The following ZNF710 variants were observed in gnomAD, a reference collection of about 807,000 sequenced individuals.
ZNF710 encodes the protein zinc finger protein 710.
ZNF710 carries 13 observed loss-of-function variants against 50.6 expected under a neutral mutation model. That is an observed-to-expected ratio of 0.26 (90% CI 0.17 to 0.41). ZNF710 has a LOEUF of 0.41. ZNF710 is among the 10% of genes least tolerant of loss of function. ZNF710 has a pLI of 1.00. For synonymous variants in ZNF710, 383 were observed against 397.0 expected (o/e 0.96, Z 0.42); for missense variants, 721 against 936.6 (o/e 0.77, Z 3.01).
At chr15:90,074,943 G>C (rs1900542589) in intron 4 of ZNF710, 1 of 190,768 alleles carries the variant, frequency 5.2e-6, no homozygotes, top group Non-Finnish European at 1.1e-5. Flanking sequence ...ACATACTCAT[G>C]AAAGGGCCAG....
Position 90,080,135 on chromosome 15 carries a change from G to A in ZNF710, c.*306G>A, listed in dbSNP as rs959346759. The A allele has an allele frequency of 4.0e-5, 11 of 277,276 alleles. No individual in the cohort carries two copies. Among genetic ancestry groups the A allele is most frequent in the Non-Finnish European group, 7.4e-5 (11 of 149,628 alleles). The allele number at this position is 277,276 out of a possible 1,614,324, so 17.2% of individuals were successfully genotyped here. Reference sequence around the variant, plus strand: ...GGGAGAAGTGGGGCCACTGGGGACAGGTCACAAGGGCACCGGCCCTCGGGG... The same window carrying A: ...GGGAGAAGTGGGGCCACTGGGGACAAGTCACAAGGGCACCGGCCCTCGGGG... On this transcript the variant is annotated 3_prime_UTR_variant, in exon 5 of 5. Coordinates refer to ENST00000268154, the MANE Select transcript of ZNF710 (RefSeq NM_198526.4).
chr15:90,030,100 C>T (rs111835276), intron 1 of ZNF710, among the ~76,000 whole-genome samples: 3,801 of 150,946 alleles, frequency 0.025, 145 homozygotes, highest in African/African-American at 0.085. Flanking sequence ...GAGGCTGAGG[C>T]GGATGGATCG....
At chr15:90,047,954 C>T (rs935861911) in intron 1 of ZNF710, among the ~76,000 whole-genome samples, 2 of 152,190 alleles carry the variant, frequency 1.3e-5, no homozygotes, top group Non-Finnish European at 2.9e-5. Flanking sequence ...CTGTGAGGAG[C>T]AATGTTCTAA....
At chr15:90,014,531 A>T (rs1898398249) in intron 1 of ZNF710, among the ~76,000 whole-genome samples, 1 of 150,304 alleles carries the variant, frequency 6.7e-6, no homozygotes, top group African/African-American at 2.5e-5. Context: ...AAAAAAAAAA[A>T]GATGGCATTT....
rs1567218418 is a variant in ZNF710 at position 90,008,443 on chromosome 15, T to TATATATATATATAC, written c.-29+6839_-29+6840insATACATATATATAT. 9.0e-4 allele frequency among the ~76,000 whole-genome samples: 126 copies of TATATATATATATAC among 140,494 alleles called. 3 individuals are homozygous for TATATATATATATAC. Among genetic ancestry groups the TATATATATATATAC allele is most frequent in the African/African-American group, 3.4e-3 (117 of 34,390 alleles). 92.2% of individuals were successfully genotyped at this position (140,494 alleles called of 152,430 possible). A position where few individuals can be genotyped will look rare whatever the true frequency, so the allele number is the denominator to read the frequency against. ...GTGTGTGTGTATATATATATATACATATATATATATGTATATATATATACA... is the reference window on the plus strand; with the variant it reads ...GTGTGTGTGTATATATATATATACATATATATATATATACATATATATATGTATATATATATACA... On this transcript the variant is annotated intron_variant, in intron 1 of 4. Transcript: ENST00000268154.
At chr15:90,038,750 G>A (rs1191732311) in intron 1 of ZNF710, among the ~76,000 whole-genome samples, 2 of 86,458 alleles carry the variant, frequency 2.3e-5, no homozygotes, top group Non-Finnish European at 4.2e-5. Context: ...TGAGACATTG[G>A]CTTTGAAGAG....
chr15:90,031,141 T>TC (rs1898936896), intron 1 of ZNF710, among the ~76,000 whole-genome samples: 1 of 152,126 alleles, frequency 6.6e-6, no homozygotes, highest in South Asian at 2.1e-4. Context: ...AGGCTTAGGC[T>TC]CATCTCAAGA....
At chr15:90,073,381 C>A in intron 3 of ZNF710, 119 bp downstream of exon 3, 1 of 1,226,868 alleles carries the variant, frequency 8.2e-7, no homozygotes. Flanking sequence ...AGAGGAGCCC[C>A]GGCTGGGTGA....
chr15:90,001,966 T>TGAGAGA (rs745830369), intron 1 of ZNF710, among the ~76,000 whole-genome samples: 323 of 96,820 alleles, frequency 3.3e-3, no homozygotes, highest in African/African-American at 0.011. Flanking sequence ...AGCGCGCGAA[T>TGAGAGA]GAGAGAGAGA....
intron 1 of ZNF710, among the ~76,000 whole-genome samples, chr15:90,057,690 A>AAATAAT (rs71151550): frequency 0.15 from 21,277 of 139,332 alleles, 1,730 homozygotes; most frequent in African/African-American, 0.17. Context: ...GAGCAAGACT[A>AAATAAT]AATAATAATA....
At position 90,067,923 on chromosome 15, in the gene ZNF710, C is replaced by T. The variant is rs534242008; in HGVS notation, c.786C>T (p.Thr262=). 36 of 1,613,206 alleles carry T rather than the reference C, an allele frequency of 2.2e-5. No homozygotes were observed. In the East Asian group the frequency reaches 3.3e-4, roughly 15 times the overall value. ...SEFEADTAGS[T]VERHKKAQLD... ...TCGAGGCTGACACGGCGGGTTCGAC[C>T]GTGGAACGCCACAAGAAGGCCCAGC... The change falls in exon 2 of 5, where the codon ACC becomes ACT. Residue 262 remains threonine (T), a synonymous_variant. Coordinates refer to ENST00000268154, the MANE Select transcript of ZNF710 (RefSeq NM_198526.4). The surrounding 1 kb of genome is among the most constrained non-coding windows in gnomAD (Gnocchi z 8.1).
chr15:90,036,634 C>T (rs1191482477), intron 1 of ZNF710, among the ~76,000 whole-genome samples: 1 of 152,238 alleles, frequency 6.6e-6, no homozygotes, highest in Non-Finnish European at 1.5e-5. Context: ...CCATCATTCC[C>T]AAGGTCTGTG....
At chr15:90,022,122 A>C (rs1332057615) in intron 1 of ZNF710, among the ~76,000 whole-genome samples, 3 of 152,062 alleles carry the variant, frequency 2.0e-5, no homozygotes, top group Admixed American at 1.3e-4. Flanking sequence ...TCACGCCTGT[A>C]ATCCCAGAAC....
intron 1 of ZNF710, among the ~76,000 whole-genome samples, chr15:90,055,178 C>T (rs1899772628): frequency 6.6e-6 from 1 of 152,020 alleles, no homozygotes. Flanking sequence ...ACAATAAGGT[C>T]CAGGAAGGAA....
chr15:90,070,768 G>A (rs1028581495), intron 2 of ZNF710, among the ~76,000 whole-genome samples: 9 of 151,920 alleles, frequency 5.9e-5, no homozygotes, highest in African/African-American at 1.7e-4. Context: ...GCAGTGAGCT[G>A]TGATTGCGCC....
At chr15:89,999,904 GC>G (rs1897974782), upstream of ZNF710, among the ~76,000 whole-genome samples, 1 of 151,994 alleles carries the variant, frequency 6.6e-6, no homozygotes, top group Non-Finnish European at 1.5e-5. Flanking sequence ...AGGAGATGCA[GC>G]CGGGAGGAAG....
intron 1 of ZNF710, among the ~76,000 whole-genome samples, chr15:90,016,690 G>A (rs1215984997): frequency 6.6e-6 from 1 of 152,164 alleles, no homozygotes; most frequent in African/African-American, 2.4e-5. Context: ...GGCTTCCCAA[G>A]GATTATAGGC....
intron 1 of ZNF710, among the ~76,000 whole-genome samples, chr15:90,052,560 T>G (rs986886866): frequency 6.6e-6 from 1 of 152,210 alleles, no homozygotes; most frequent in African/African-American, 2.4e-5. Context: ...TGCCTTTATC[T>G]CTTACTGGCT....
At chr15:90,036,431 C>T (rs55904666) in intron 1 of ZNF710, among the ~76,000 whole-genome samples, 5,653 of 152,188 alleles carry the variant, frequency 0.037, 173 homozygotes, top group Middle Eastern at 0.068. Flanking sequence ...CTGGAGCCAG[C>T]GTCTTCCCCA....
Sources: allele counts gnomAD v4.1 joint callset (sites outside exome capture counted in the v4.1 genomes callset), GRCh38; gene constraint gnomAD v4.1.1; non-coding constraint Gnocchi (gnomAD v3.1); transcripts MANE v1.5; gene names NCBI Gene and HGNC (gene_info 2026-07-23, HGNC 2026-07-21).